The following ZFR variants were observed in gnomAD, a reference collection of about 807,000 sequenced individuals.
ZFR encodes the protein zinc finger RNA binding protein.
In ZFR, 19 loss-of-function variants were observed where a neutral mutation model predicts 130.7. The observed-to-expected ratio is 0.15, with a 90% confidence interval of 0.10 to 0.21. The LOEUF is 0.21. ZFR is among the 10% of genes least tolerant of loss of function. The pLI, the probability that ZFR is intolerant of heterozygous loss-of-function variation, is 1.00. For synonymous variants in ZFR, 466 were observed against 456.9 expected (o/e 1.02, Z -0.25); for missense variants, 872 against 1,321.5 (o/e 0.66, Z 5.27).
intron 8 of ZFR, among the ~76,000 whole-genome samples, chr5:32,400,444 CT>C (rs1753424498): frequency 6.6e-6 from 1 of 152,168 alleles, no homozygotes; most frequent in Non-Finnish European, 1.5e-5. Flanking sequence ...CTCATCCCCC[CT>C]CAAAGTGAAT....
chr5:32,439,547 T>C (rs1227556273), intron 2 of ZFR, among the ~76,000 whole-genome samples: 1 of 152,228 alleles, frequency 6.6e-6, no homozygotes, highest in Non-Finnish European at 1.5e-5. Flanking sequence ...ATGCCTTCTT[T>C]TGACTGGCAG....
chr5:32,443,734 T>C (rs1431944112), intron 2 of ZFR, among the ~76,000 whole-genome samples: 1 of 151,918 alleles, frequency 6.6e-6, no homozygotes. Flanking sequence ...GCTCCGGGGG[T>C]TGAAGCACCA....
Position 32,444,348 on chromosome 5 carries a change from T to C in ZFR, c.38-20A>G, listed in dbSNP as rs1181697081. On this transcript the variant is annotated intron_variant, in intron 1 of 19. Coordinates refer to ENST00000265069, the MANE Select transcript of ZFR (RefSeq NM_016107.5). ...TGGGCACTGCGGCGGGCACGAAGAG[T>C]CGGGTCCCATGGCGGGACAAGAGAC... 1 of 1,532,226 alleles carries C rather than the reference T, an allele frequency of 6.5e-7. No individual in the cohort carries two copies. The highest frequency in any genetic ancestry group is 8.8e-7 in the Non-Finnish European group (1 of 1,138,766). The allele number at this position is 1,532,226 out of a possible 1,614,324, so 94.9% of individuals were successfully genotyped here. A position where few individuals can be genotyped will look rare whatever the true frequency, so the allele number is the denominator to read the frequency against.
intron 2 of ZFR, among the ~76,000 whole-genome samples, chr5:32,432,211 C>G (rs574421001): frequency 6.6e-6 from 1 of 152,058 alleles, no homozygotes; most frequent in Non-Finnish European, 1.5e-5. Context: ...GTTGAGGGTA[C>G]AGTGAACTTT....
chr5:32,378,077 T>C (rs746259288), intron 17 of ZFR, among the ~76,000 whole-genome samples: 13 of 152,176 alleles, frequency 8.5e-5, no homozygotes, highest in Non-Finnish European at 1.8e-4. Flanking sequence ...ATATAATTAG[T>C]CTAATAGTTT....
intron 11 of ZFR, 32 bp from the exon 12 acceptor site, chr5:32,390,469 T>C (rs1207116403): frequency 1.3e-6 from 2 of 1,587,566 alleles, no homozygotes; most frequent in Non-Finnish European, 1.7e-6. Flanking sequence ...TATAAGCATA[T>C]GAGGAAAAAT....
intron 19 of ZFR, among the ~76,000 whole-genome samples, chr5:32,361,666 T>C (rs1210760259): frequency 6.6e-6 from 1 of 150,418 alleles, no homozygotes; most frequent in East Asian, 2.0e-4. Flanking sequence ...TTGCCCAGGC[T>C]AGAGTGCAAT....
chr5:32,377,029 C>T (rs1237960179), intron 17 of ZFR, among the ~76,000 whole-genome samples: 1 of 147,806 alleles, frequency 6.8e-6, no homozygotes, highest in African/African-American at 2.5e-5. Context: ...TGGTGGCAGG[C>T]GCCTGTAGTC....
In ZFR at chr5:32,355,946, CAA is replaced by C. The variant is rs1752296286; in HGVS notation, c.3046-9_3046-8del. 6.4e-7 allele frequency: 1 copy of C among 1,572,264 alleles called. No homozygotes were observed. The highest frequency in any genetic ancestry group is 1.2e-5 in the South Asian group (1 of 84,056). On this transcript the variant is annotated splice_region_variant and splice_polypyrimidine_tract_variant and intron_variant, in intron 19 of 19. Coordinates refer to ENST00000265069, the MANE Select transcript of ZFR (RefSeq NM_016107.5). ...CAAGGAGTCTCAATGCAAACTGCAA[CAA>C]AGAGAGTCAGAATTTTGAGTTAATT...
chr5:32,422,278 T>C (rs1196981914), intron 2 of ZFR, among the ~76,000 whole-genome samples: 1 of 152,200 alleles, frequency 6.6e-6, no homozygotes, highest in Non-Finnish European at 1.5e-5. Context: ...TTCTGGTTAA[T>C]GCCTACTGCC....
At chr5:32,384,655 A>G (rs1752996830) in intron 15 of ZFR, among the ~76,000 whole-genome samples, 1 of 152,212 alleles carries the variant, frequency 6.6e-6, no homozygotes, top group Admixed American at 6.5e-5. Flanking sequence ...GTATAAAAAC[A>G]TGAAAGGAAA....
At chr5:32,401,533 T>G (rs1360537294) in intron 8 of ZFR, among the ~76,000 whole-genome samples, 1 of 151,918 alleles carries the variant, frequency 6.6e-6, no homozygotes, top group Admixed American at 6.6e-5. Flanking sequence ...CAACATGGTG[T>G]GAAAAAGGCT....
chr5:32,438,445 T>C (rs1457845756), intron 2 of ZFR, among the ~76,000 whole-genome samples: 1 of 151,882 alleles, frequency 6.6e-6, no homozygotes, highest in Non-Finnish European at 1.5e-5. Flanking sequence ...GTAGTTTTAG[T>C]AGAGACGGGG....
rs146361300 is a variant in ZFR at position 32,402,753 on chromosome 5, C to T, written c.1516+353G>A. Among the ~76,000 whole-genome samples, 1,120 of 147,372 alleles carry T rather than the reference C, an allele frequency of 7.6e-3. 13 individuals carry two copies. The highest frequency in any genetic ancestry group is 0.027 in the African/African-American group (1,056 of 39,814). On this transcript the variant is annotated intron_variant, in intron 8 of 19. Coordinates refer to ENST00000265069, the MANE Select transcript of ZFR (RefSeq NM_016107.5). Reference sequence around the variant, plus strand: ...AGATCGTGCTACTGCACTCCAGCCTCGGTGACAGAGTGGGGCTCTGTCTCA... The same window carrying T: ...AGATCGTGCTACTGCACTCCAGCCTTGGTGACAGAGTGGGGCTCTGTCTCA...
intron 14 of ZFR, 136 bp from the exon 15 acceptor site, chr5:32,385,785 G>T: frequency 2.3e-6 from 2 of 871,256 alleles, no homozygotes; most frequent in Non-Finnish European, 3.4e-6. Context: ...GCTCCTTCTA[G>T]GAAGCCCTGC....
chr5:32,438,252 A>ATTTTTTTT lies in ZFR; in HGVS notation c.137+5976_137+5977insAAAAAAAA, dbSNP rs1561930577. Among the ~76,000 whole-genome samples, 4 of 83,474 alleles carry ATTTTTTTT rather than the reference A, an allele frequency of 4.8e-5. 1 individual carries two copies. The highest frequency in any genetic ancestry group is 3.6e-4 in the South Asian group (1 of 2,788). The allele number at this position is 83,474 out of a possible 152,430, so 54.8% of individuals were successfully genotyped here. A position where few individuals can be genotyped will look rare whatever the true frequency, so the allele number is the denominator to read the frequency against. ...AAGAATGCTACTGATTTTATCTGAA[A>ATTTTTTTT]ATTTTTTTTTTTTTTTTTTTTTTTT... is the stretch of plus-strand genomic sequence containing the variant. On this transcript the variant is annotated intron_variant, in intron 2 of 19. Transcript: ENST00000265069.
chr5:32,393,484 CAG>C (rs1753227569), intron 11 of ZFR, among the ~76,000 whole-genome samples: 1 of 152,084 alleles, frequency 6.6e-6, no homozygotes, highest in Admixed American at 6.6e-5. Flanking sequence ...GCCGGAATTA[CAG>C]GCATGCGCCA....
chr5:32,389,735 C>A (rs931750180), intron 12 of ZFR, among the ~76,000 whole-genome samples: 1 of 152,172 alleles, frequency 6.6e-6, no homozygotes, highest in East Asian at 1.9e-4. Context: ...GCTCCGTTCC[C>A]GTTTAGCATA....
At chr5:32,411,775 C>T (rs1753719372) in intron 5 of ZFR, among the ~76,000 whole-genome samples, 1 of 147,314 alleles carries the variant, frequency 6.8e-6, no homozygotes, top group Admixed American at 6.8e-5. Flanking sequence ...TTATATATAG[C>T]ACTTACATGG....
Sources: gnomAD v4.1 joint callset for allele counts (sites outside exome capture counted in the v4.1 genomes callset) on GRCh38, gnomAD v4.1.1 for gene constraint, MANE v1.5 for transcripts, NCBI Gene and HGNC (gene_info 2026-07-23, HGNC 2026-07-21) for gene names.